Variants in NRF1 observed in about 807,000 individuals in gnomAD.
The protein encoded by NRF1 is nuclear respiratory factor 1.
In NRF1, 5 loss-of-function variants were observed where a neutral mutation model predicts 58.5. The ratio of observed to expected loss-of-function variants is 0.09; its 90% CI spans 0.04 to 0.18. The LOEUF is 0.18. Ranked by LOEUF, NRF1 falls within the 10% of genes least tolerant of loss-of-function variation. The pLI is 1.00. For synonymous variants in NRF1, 224 were observed against 246.7 expected, an observed-to-expected ratio of 0.91 and a Z score of 0.86; for missense variants, 288 against 657.7, an observed-to-expected ratio of 0.44 and a Z score of 6.15.
chr7:129,662,430 C>T (rs188663915), intron 2 of NRF1, among the ~76,000 whole-genome samples: 18 of 140,076 alleles, frequency 1.3e-4, no homozygotes, highest in East Asian at 1.0e-3. Flanking sequence ...GTGTTTCCTC[C>T]GAGATTTGCA....
At chr7:129,750,736 G>C (rs1804095930) in intron 10 of NRF1, among the ~76,000 whole-genome samples, 1 of 152,204 alleles carries the variant, frequency 6.6e-6, no homozygotes, top group South Asian at 2.1e-4. Flanking sequence ...GTCTGGGGTG[G>C]AGTACAGAAG....
At chr7:129,724,302 C>T (rs1282485669) in intron 9 of NRF1, among the ~76,000 whole-genome samples, 1 of 152,156 alleles carries the variant, frequency 6.6e-6, no homozygotes, top group African/African-American at 2.4e-5. Flanking sequence ...AAAAGATGTG[C>T]AGCATCACTA....
intron 10 of NRF1, among the ~76,000 whole-genome samples, chr7:129,733,756 G>A (rs1172522704): frequency 6.6e-6 from 1 of 152,128 alleles, no homozygotes; most frequent in Non-Finnish European, 1.5e-5. Context: ...CGACAAAGTA[G>A]TTCATGCCTA....
intron 5 of NRF1, among the ~76,000 whole-genome samples, chr7:129,703,052 A>G (rs962406833): frequency 3.9e-5 from 6 of 152,142 alleles, no homozygotes; most frequent in Admixed American, 3.9e-4. Context: ...ATTGGATAAG[A>G]CGTTTTAGAG....
At chr7:129,731,207 A>G (rs533192296) in intron 10 of NRF1, among the ~76,000 whole-genome samples, 17 of 150,718 alleles carry the variant, frequency 1.1e-4, no homozygotes, top group Non-Finnish European at 1.8e-4. Flanking sequence ...GGAGATGGAG[A>G]TTGCAATGAG....
intron 2 of NRF1, among the ~76,000 whole-genome samples, chr7:129,661,350 T>G (rs1013048031): frequency 6.6e-6 from 1 of 151,388 alleles, no homozygotes. Context: ...CTTGAAGTTT[T>G]CCTCAGAAAA....
chr7:129,736,031 A>G (rs1803701414), intron 10 of NRF1, among the ~76,000 whole-genome samples: 1 of 152,050 alleles, frequency 6.6e-6, no homozygotes, highest in Admixed American at 6.6e-5. Context: ...AATACAAAAT[A>G]AAAAAATAAA....
intron 3 of NRF1, among the ~76,000 whole-genome samples, chr7:129,673,496 G>A (rs1012160156): frequency 2.6e-5 from 4 of 151,784 alleles, no homozygotes; most frequent in East Asian, 1.9e-4. Context: ...TTGGGAGGCC[G>A]AGGCGGGCGG....
rs572394074 is a variant in NRF1, at chr7:129,735,747, G to A, written c.1348+8382G>A. 7.4e-4 allele frequency among the ~76,000 whole-genome samples: 112 copies of A among 152,144 alleles called. 1 individual carries two copies. The highest frequency in any genetic ancestry group is 1.1e-3 in the Non-Finnish European group (72 of 68,004). On this transcript the variant is annotated intron_variant, in intron 10 of 10. Transcript: ENST00000393232. Reference sequence around the variant, plus strand: ...AAGACCACCGGGCGCGGTGGCTGACGCCTGTAATCCCAGCACTTTGGGAGG... The same window carrying A: ...AAGACCACCGGGCGCGGTGGCTGACACCTGTAATCCCAGCACTTTGGGAGG...
chr7:129,629,573 C>A (rs1433411782), intron 1 of NRF1, among the ~76,000 whole-genome samples: 2 of 150,676 alleles, frequency 1.3e-5, no homozygotes, highest in African/African-American at 4.9e-5. Context: ...CTGCACCCGG[C>A]CCGCACACAC....
chr7:129,706,455 C>G (rs1175395656), intron 5 of NRF1, among the ~76,000 whole-genome samples: 1 of 152,042 alleles, frequency 6.6e-6, no homozygotes, highest in Non-Finnish European at 1.5e-5. Context: ...AGAGACGTTT[C>G]AAAGAAAACA....
chr7:129,642,303 C>A (rs544264483), intron 1 of NRF1, among the ~76,000 whole-genome samples: 1 of 152,152 alleles, frequency 6.6e-6, no homozygotes, highest in East Asian at 1.9e-4. Flanking sequence ...CTTATTAAAC[C>A]ATTTATTTAC....
intron 9 of NRF1, among the ~76,000 whole-genome samples, chr7:129,720,972 T>C (rs559318486): frequency 2.0e-5 from 3 of 151,862 alleles, no homozygotes; most frequent in Non-Finnish European, 4.4e-5. Flanking sequence ...TTAAAAAAAT[T>C]TGTGTGTGTA....
At chr7:129,746,161 C>G (rs1803970954) in intron 10 of NRF1, among the ~76,000 whole-genome samples, 1 of 152,138 alleles carries the variant, frequency 6.6e-6, no homozygotes, top group East Asian at 1.9e-4. Context: ...CCAAATGTAC[C>G]CAAAAGCTTG....
At chr7:129,698,552 T>A (rs1263858286) in intron 5 of NRF1, among the ~76,000 whole-genome samples, 1 of 152,126 alleles carries the variant, frequency 6.6e-6, no homozygotes, top group Non-Finnish European at 1.5e-5. Flanking sequence ...CCAGAATTCA[T>A]TTACAATGAA....
At chr7:129,745,332 A>G (rs1803948542) in intron 10 of NRF1, among the ~76,000 whole-genome samples, 1 of 152,154 alleles carries the variant, frequency 6.6e-6, no homozygotes, top group Non-Finnish European at 1.5e-5. Flanking sequence ...CCTCCAGAGC[A>G]GGGGTCCCCA....
chr7:129,667,165 A>C (rs11760589), intron 2 of NRF1, among the ~76,000 whole-genome samples: 45,864 of 152,154 alleles, frequency 0.3, 8,538 homozygotes, highest in Non-Finnish European at 0.43. Flanking sequence ...AGATATTGCT[A>C]AATGTCTTTC....
chr7:129,659,072 A>AGTT (rs1562962257), intron 2 of NRF1, among the ~76,000 whole-genome samples: 1 of 80,944 alleles, frequency 1.2e-5, no homozygotes, highest in African/African-American at 7.4e-5. Flanking sequence ...ACACCACAGG[A>AGTT]CTTTTTTTTT....
At chr7:129,623,014 C>G (rs1415935593) in intron 1 of NRF1, among the ~76,000 whole-genome samples, 1 of 152,194 alleles carries the variant, frequency 6.6e-6, no homozygotes, top group Non-Finnish European at 1.5e-5. Context: ...TAAATTTTCT[C>G]TCCTAATACA....
Sources: allele counts gnomAD v4.1 joint callset (sites outside exome capture counted in the v4.1 genomes callset), GRCh38; gene constraint gnomAD v4.1.1; transcripts MANE v1.5; gene names NCBI Gene and HGNC (gene_info 2026-07-23, HGNC 2026-07-21).